YIPF6: variants seen among roughly 807,000 people sequenced by gnomAD.
YIPF6 encodes the protein Yip1 domain family member 6.
A neutral mutation model predicts 16.8 loss-of-function variants in YIPF6; 3 were observed. That is an observed-to-expected ratio of 0.18 (90% CI 0.08 to 0.46). The LOEUF is 0.46. Among genes scored for constraint, YIPF6 ranks in the 20% least tolerant of loss-of-function variants. YIPF6 has a pLI of 0.98. For synonymous variants in YIPF6, 67 were observed against 61.9 expected (o/e 1.08, Z -0.38); for missense variants, 145 against 184.9 (o/e 0.78, Z 1.25).
chrX:68,512,019 G>A (rs1389972683), intron 2 of YIPF6, 42 bp downstream of exon 2: 2 of 1,141,725 alleles, frequency 1.8e-6, no homozygotes, highest in African/African-American at 3.6e-5. Flanking sequence ...CAGTATCATG[G>A]GACTAAGTAA....
At chrX:68,525,842 A>G (rs895770194) in intron 6 of YIPF6, among the ~76,000 whole-genome samples, 1 of 111,513 alleles carries the variant, frequency 9.0e-6, no homozygotes, top group South Asian at 3.8e-4. Context: ...CCATCGGTCT[A>G]TATATCTGTT....
At chrX:68,500,318 T>C (rs1328715659) in intron 1 of YIPF6, among the ~76,000 whole-genome samples, 2 of 110,688 alleles carry the variant, frequency 1.8e-5, no homozygotes, top group African/African-American at 6.6e-5. Context: ...TCTTTTTTTT[T>C]CTTTTTCTTT....
intron 6 of YIPF6, among the ~76,000 whole-genome samples, chrX:68,527,156 T>C (rs1336437388): frequency 8.9e-6 from 1 of 111,907 alleles, no homozygotes; most frequent in Non-Finnish European, 1.9e-5. Context: ...TCAGAACTTA[T>C]TATTGGTCTA....
At position 68,518,647 on chromosome X, in the gene YIPF6, G is replaced by A. The variant is rs768471091; in HGVS notation, c.266-123G>A. 1.1e-5 allele frequency: 8 copies of A among 740,912 alleles called. No homozygotes were observed. The East Asian group carries it at 2.6e-4, about 24-fold the overall frequency. 61.1% of individuals were successfully genotyped at this position (740,912 alleles called of 1,213,427 possible). On this transcript the variant is annotated intron_variant, in intron 3 of 6. Coordinates refer to ENST00000462683, the MANE Select transcript of YIPF6 (RefSeq NM_173834.4). ...AGGGAGGGCAGGTGGTGGGAGAGGA[G>A]AGGTAGGAAGGCTTGGCCAGCCAAA...
At position 68,521,365 on chromosome X, in the gene YIPF6, T is replaced by C. The variant is rs759039736; in HGVS notation, c.309-7T>C. The stretch of plus-strand genomic sequence containing the variant: ...TAAGCAATTCTTACGCTGTTTCCTT[T>C]TCTCAGAATGCTGCAAAGAGACTCT... On this transcript the variant is annotated splice_region_variant and splice_polypyrimidine_tract_variant and intron_variant, in intron 4 of 6. Transcript: ENST00000462683. The C allele has an allele frequency of 8.3e-7, 1 of 1,207,099 alleles. No homozygotes were observed. The highest frequency in any genetic ancestry group is 1.8e-5 in the South Asian group (1 of 55,622).
At chrX:68,526,103 C>A (rs2079146659) in intron 6 of YIPF6, among the ~76,000 whole-genome samples, 1 of 111,840 alleles carries the variant, frequency 8.9e-6, no homozygotes, top group Admixed American at 9.5e-5. Context: ...GATATTGATT[C>A]TTCCTATCCA....
At chrX:68,528,883 C>T (rs62604428) in intron 6 of YIPF6, among the ~76,000 whole-genome samples, 2,827 of 111,278 alleles carry the variant, frequency 0.025, 39 homozygotes, top group Non-Finnish European at 0.04. Context: ...GTGGGTAACC[C>T]GACCTTTCTC....
Position 68,522,775 on chromosome X carries a change from C to A in YIPF6, c.450C>A (p.Ser150Arg). 1 of 1,194,093 alleles carries A rather than the reference C, an allele frequency of 8.4e-7. No homozygotes were observed. The highest frequency in any genetic ancestry group is 1.8e-5 in the African/African-American group (1 of 56,360). Reference sequence around the variant, plus strand: ...TGTTTTTAAGATCTTTTTTTCAGAGCCTCTGTGTGCTGGGTTACTGTATAC... The same window carrying A: ...TGTTTTTAAGATCTTTTTTTCAGAGACTCTGTGTGCTGGGTTACTGTATAC... ...LLGGNISFFQSLCVLGYCILP... is the reference protein window; with the variant it reads ...LLGGNISFFQRLCVLGYCILP... The change falls in exon 6 of 7, where the codon AGC becomes AGA. Residue 150 changes from serine to arginine, a missense_variant. By Grantham distance (110) the Ser-to-Arg change is moderately radical (BLOSUM62 -1). Transcript: ENST00000462683.
chrX:68,530,512 A>AT (rs1160427135), intron 6 of YIPF6, among the ~76,000 whole-genome samples: 1 of 110,495 alleles, frequency 9.1e-6, no homozygotes, highest in Non-Finnish European at 1.9e-5. Context: ...CCACTAGGGT[A>AT]TAAAAAAAAA....
chrX:68,511,776 A>T, intron 1 of YIPF6, 73 bp from the exon 2 acceptor site: 2 of 1,112,854 alleles, frequency 1.8e-6, no homozygotes, highest in Non-Finnish European at 2.4e-6. Flanking sequence ...CCAACTCTCT[A>T]GGAAATGATG....
chrX:68,533,772 T>C lies in YIPF6; in HGVS notation c.*1773T>C, dbSNP rs1212690502. Reference sequence around the variant, plus strand: ...ATGAGTAAAGAAAATACTTTGGAACTGATCCTCATTTTGAAATTGGTTCTA... The same window carrying C: ...ATGAGTAAAGAAAATACTTTGGAACCGATCCTCATTTTGAAATTGGTTCTA... On this transcript the variant is annotated 3_prime_UTR_variant, in exon 7 of 7. Coordinates refer to ENST00000462683, the MANE Select transcript of YIPF6 (RefSeq NM_173834.4). 1 of 112,456 alleles carries C rather than the reference T, an allele frequency of 8.9e-6. No individual in the cohort carries two copies. The highest frequency in any genetic ancestry group is 1.9e-5 in the Non-Finnish European group (1 of 53,309). 9.3% of individuals were successfully genotyped at this position (112,456 alleles called of 1,213,427 possible). A position where few individuals can be genotyped will look rare whatever the true frequency, so the allele number is the denominator to read the frequency against.
Position 68,518,805 on chromosome X carries a change from C to T in YIPF6, c.301C>T (p.Leu101Phe). The T allele has an allele frequency of 3.4e-6, 4 of 1,180,118 alleles. No individual in the cohort carries two copies. The highest frequency in any genetic ancestry group is 3.4e-6 in the Non-Finnish European group (3 of 883,811). Reference sequence around the variant, plus strand: ...GGGCCCTTTGATCCTTTGTGTGACACTCGCATTGTAAGTACTTGCATTTTC... The same window carrying T: ...GGGCCCTTTGATCCTTTGTGTGACATTCGCATTGTAAGTACTTGCATTTTC... ...LWGPLILCVT[L>F]ALMLQRDSAD... Residue 101 changes from leucine to phenylalanine, a missense_variant, in exon 4 of 7, where the codon CTC becomes TTC. Physicochemically the swap from Leu to Phe is conservative, Grantham distance 22. Coordinates refer to ENST00000462683, the MANE Select transcript of YIPF6 (RefSeq NM_173834.4).
intron 6 of YIPF6, among the ~76,000 whole-genome samples, chrX:68,523,165 T>C (rs747769093): frequency 9.2e-6 from 1 of 108,876 alleles, no homozygotes; most frequent in African/African-American, 3.3e-5. Flanking sequence ...GTTGGGAAAG[T>C]GGATTACACT....
Position 68,521,380 on chromosome X carries a change from A to G in YIPF6, c.317A>G (p.Gln106Arg). ...ILCVTLALML[Q>R]RDSADSEKDG... Reference sequence around the variant, plus strand: ...CTGTTTCCTTTTCTCAGAATGCTGCAAAGAGACTCTGCAGATAGTGAAAAA... The same window carrying G: ...CTGTTTCCTTTTCTCAGAATGCTGCGAAGAGACTCTGCAGATAGTGAAAAA... The change falls in exon 5 of 7, where the codon CAA becomes CGA. Residue 106 changes from glutamine to arginine, a missense_variant. Transcript: ENST00000462683. 1 of 1,210,593 alleles carries G rather than the reference A, an allele frequency of 8.3e-7. No individual in the cohort carries two copies. Among genetic ancestry groups the G allele is most frequent in the Non-Finnish European group, 1.1e-6 (1 of 895,101 alleles).
chrX:68,522,510 A>G (rs1345686384), intron 5 of YIPF6, among the ~76,000 whole-genome samples: 1 of 110,091 alleles, frequency 9.1e-6, no homozygotes, highest in Non-Finnish European at 1.9e-5. Flanking sequence ...CATGTTGGCC[A>G]GGCTGGTCTT....
Position 68,531,936 on chromosome X carries a change from T to A in YIPF6, c.648T>A (p.Val216=). The A allele has an allele frequency of 8.3e-7, 1 of 1,204,337 alleles. No homozygotes were observed. Among genetic ancestry groups the A allele is most frequent in the South Asian group, 1.8e-5 (1 of 55,905 alleles). Residue 216 remains valine (V), a synonymous_variant, in exon 7 of 7, where the codon GTT becomes GTA. Transcript: ENST00000462683. ...SQPPNRRALA[V]YPVFLFYFVI... ...CTCCAAACCGCAGAGCCCTAGCTGT[T>A]TATCCTGTTTTCCTGTTTTACTTTG...
At chrX:68,513,512 G>C in intron 3 of YIPF6, 107 bp downstream of exon 3, 1 of 425,971 alleles carries the variant, frequency 2.3e-6, no homozygotes, top group Non-Finnish European at 3.6e-6. Flanking sequence ...ACATCATTTT[G>C]TAGGATAAAA....
Position 68,532,087 on chromosome X carries a change from T to A in YIPF6, c.*88T>A, listed in dbSNP as rs1215362521. On this transcript the variant is annotated 3_prime_UTR_variant, in exon 7 of 7. Transcript: ENST00000462683. The stretch of plus-strand genomic sequence containing the variant: ...TGGAGCTTTGTCTCTGGCCCTTATT[T>A]GTCTAATTTTGGAGGTATTTGATAA... 4.2e-6 allele frequency: 3 copies of A among 722,461 alleles called. No homozygotes were observed. The highest frequency in any genetic ancestry group is 2.9e-5 in the Admixed American group (1 of 34,061). The allele number at this position is 722,461 out of a possible 1,213,427, so 59.5% of individuals were successfully genotyped here.
At chrX:68,510,123 A>C (rs2079074618) in intron 1 of YIPF6, among the ~76,000 whole-genome samples, 1 of 111,458 alleles carries the variant, frequency 9.0e-6, no homozygotes, top group South Asian at 3.7e-4. Flanking sequence ...TTCTCAGATG[A>C]ATTCAGGGAA....
Sources: gnomAD v4.1 joint callset for allele counts (sites outside exome capture counted in the v4.1 genomes callset) on GRCh38, gnomAD v4.1.1 for gene constraint, MANE v1.5 for transcripts, NCBI Gene and HGNC (gene_info 2026-07-23, HGNC 2026-07-21) for gene names.